Variants in NCKAP5 observed in about 807,000 individuals in gnomAD.
NCKAP5 encodes the protein NCK associated protein 5, also known as nck-associated protein 5.
Under a neutral mutation model 167.0 loss-of-function variants are expected in NCKAP5, and 92 were observed. The ratio of observed to expected loss-of-function variants is 0.55; its 90% CI spans 0.47 to 0.66. NCKAP5 has a LOEUF of 0.66. Among genes scored for constraint, NCKAP5 ranks in the 30% least tolerant of loss-of-function variants. The pLI is 0.00. For synonymous variants in NCKAP5, 891 were observed against 877.4 expected, an observed-to-expected ratio of 1.02 and a Z score of -0.27; for missense variants, 2,378 against 2,315.0, an observed-to-expected ratio of 1.03 and a Z score of -0.56.
intron 3 of NCKAP5, among the ~76,000 whole-genome samples, chr2:133,511,765 C>T (rs995235395): frequency 6.6e-6 from 1 of 152,222 alleles, no homozygotes; most frequent in African/African-American, 2.4e-5. Flanking sequence ...AAAAGAAAAA[C>T]TCCCTCTTGT....
Position 132,773,835 on chromosome 2 carries a change from T to C in NCKAP5, c.5109A>G (p.Val1703=). ...EDEDDAVADS[V]FQSHIIESNC... ...TTTTACCTATGATGTGGCTCTGAAA[T>C]ACAGAATCTGCAACTGCATCGTCTT... The change falls in exon 16 of 20, where the codon GTA becomes GTG. Residue 1703 remains valine, a synonymous_variant. Coordinates refer to ENST00000409261, the MANE Select transcript of NCKAP5 (RefSeq NM_207363.3). 1 of 1,611,494 alleles carries C rather than the reference T, an allele frequency of 6.2e-7. No homozygotes were observed. Among genetic ancestry groups the C allele is most frequent in the Non-Finnish European group, 8.5e-7 (1 of 1,179,124 alleles).
intron 2 of NCKAP5, among the ~76,000 whole-genome samples, chr2:133,531,460 T>C (rs898040185): frequency 1.3e-5 from 2 of 152,058 alleles, no homozygotes; most frequent in African/African-American, 4.8e-5. Context: ...TTTAAACTTC[T>C]GCTTAGGTAA....
intron 11 of NCKAP5, among the ~76,000 whole-genome samples, chr2:132,824,803 T>C (rs1157935007): frequency 1.3e-5 from 2 of 152,154 alleles, no homozygotes; most frequent in African/African-American, 2.4e-5. Flanking sequence ...TGGCAATGTT[T>C]GAGATGGTGG....
chr2:132,678,594 T>C (rs1046626909), intron 19 of NCKAP5, among the ~76,000 whole-genome samples: 1 of 152,172 alleles, frequency 6.6e-6, no homozygotes, highest in Non-Finnish European at 1.5e-5. Context: ...TAAAGTGTTT[T>C]TACTATGAGT....
chr2:133,613,597 G>T, the NCKAP5 span, among the ~76,000 whole-genome samples: 3 of 152,166 alleles, frequency 2.0e-5, no homozygotes, highest in African/African-American at 7.2e-5. Flanking sequence ...TCCTTTGGCT[G>T]GGATTTGACA....
At chr2:133,624,460 T>C in the NCKAP5 span, among the ~76,000 whole-genome samples, 1 of 152,052 alleles carries the variant, frequency 6.6e-6, no homozygotes, top group African/African-American at 2.4e-5. Context: ...GCCACTGAGC[T>C]GCAGGCTCTT....
intron 2 of NCKAP5, among the ~76,000 whole-genome samples, chr2:133,538,931 G>GTTTTTTTTTTTTT (rs71412735): frequency 9.2e-6 from 1 of 108,586 alleles, no homozygotes; most frequent in African/African-American, 4.0e-5. Context: ...GTTTTTTTGG[G>GTTTTTTTTTTTTT]TTTTTTTTTT....
chr2:133,569,038 G>GTC, upstream of NCKAP5, among the ~76,000 whole-genome samples: 1 of 152,214 alleles, frequency 6.6e-6, no homozygotes. Flanking sequence ...TTCCTGAGAA[G>GTC]AGTGCTGGAG....
intron 4 of NCKAP5, among the ~76,000 whole-genome samples, chr2:133,272,483 A>G (rs909464490): frequency 2.6e-5 from 4 of 152,180 alleles, no homozygotes; most frequent in Non-Finnish European, 5.9e-5. Flanking sequence ...CCTAAAATAA[A>G]CTTTTAATAA....
At chr2:133,486,233 G>A (rs956154364) in intron 3 of NCKAP5, among the ~76,000 whole-genome samples, 1 of 152,216 alleles carries the variant, frequency 6.6e-6, no homozygotes, top group Non-Finnish European at 1.5e-5. Context: ...CAAGTTGCCA[G>A]TGACTATACT....
chr2:133,068,029 T>C (rs2080257765), intron 6 of NCKAP5, among the ~76,000 whole-genome samples: 1 of 152,240 alleles, frequency 6.6e-6, no homozygotes, highest in African/African-American at 2.4e-5. Context: ...CTTCACCTGA[T>C]GGCAAAACCC....
At chr2:133,104,257 C>A (rs1253330959) in intron 6 of NCKAP5, among the ~76,000 whole-genome samples, 2 of 152,180 alleles carry the variant, frequency 1.3e-5, no homozygotes, top group African/African-American at 4.8e-5. Context: ...GGCTACAAAT[C>A]AACCAGAACT....
At chr2:133,366,385 C>A (rs753704555) in intron 3 of NCKAP5, among the ~76,000 whole-genome samples, 1 of 152,154 alleles carries the variant, frequency 6.6e-6, no homozygotes, top group Non-Finnish European at 1.5e-5. Context: ...TCACTGTAAC[C>A]TCTGCATCCT....
At chr2:132,721,201 G>A (rs537657251) in intron 19 of NCKAP5, among the ~76,000 whole-genome samples, 65 of 151,934 alleles carry the variant, frequency 4.3e-4, no homozygotes, top group Admixed American at 7.2e-4. Context: ...CCAGCTACTC[G>A]GGAGGCTGAG....
rs181891146 is a variant in NCKAP5, at chr2:133,222,221, C to T, written c.144-8442G>A. On this transcript the variant is annotated intron_variant, in intron 4 of 19. Transcript: ENST00000409261. ...TTTTTGTCAGTTATGTCTATTGATA[C>T]TTACCATCTCCAAAATTAACTTAAA... is the stretch of plus-strand genomic sequence containing the variant. Among the ~76,000 whole-genome samples, 588 of 152,118 alleles carry T rather than the reference C, an allele frequency of 3.9e-3. 4 individuals are homozygous for T. The highest frequency in any genetic ancestry group is 0.013 in the African/African-American group (558 of 41,490).
At chr2:133,507,101 C>G (rs1356594714) in intron 3 of NCKAP5, among the ~76,000 whole-genome samples, 1 of 152,156 alleles carries the variant, frequency 6.6e-6, no homozygotes, top group African/African-American at 2.4e-5. Context: ...GGCAGGACAC[C>G]ACTGGCCTCA....
intron 4 of NCKAP5, among the ~76,000 whole-genome samples, chr2:133,270,944 G>A (rs1277983439): frequency 6.8e-6 from 1 of 147,508 alleles, no homozygotes; most frequent in Non-Finnish European, 1.5e-5. Context: ...TTTTGAGAGG[G>A]AGTCTCACTC....
the NCKAP5 span, among the ~76,000 whole-genome samples, chr2:133,590,245 C>A: frequency 6.6e-6 from 1 of 151,938 alleles, no homozygotes; most frequent in Non-Finnish European, 1.5e-5. Context: ...AATTCCAGCA[C>A]TTTGGGAGGC....
intron 11 of NCKAP5, among the ~76,000 whole-genome samples, chr2:132,854,280 G>T (rs960674772): frequency 6.6e-6 from 1 of 152,096 alleles, no homozygotes; most frequent in Non-Finnish European, 1.5e-5. Context: ...TCTGGGTCTT[G>T]TTCAAAGAAA....
Sources: allele counts gnomAD v4.1 joint callset (sites outside exome capture counted in the v4.1 genomes callset), GRCh38; gene constraint gnomAD v4.1.1; transcripts MANE v1.5; gene names NCBI Gene and HGNC (gene_info 2026-07-23, HGNC 2026-07-21).